PBRM1: variants seen among roughly 807,000 people sequenced by gnomAD.
The protein encoded by PBRM1 is polybromo 1, also known as protein polybromo-1.
A neutral mutation model predicts 194.5 loss-of-function variants in PBRM1; 27 were observed. The observed-to-expected ratio is 0.14, with a 90% CI of 0.10 to 0.19. PBRM1 has a LOEUF of 0.19. Among genes scored for constraint, PBRM1 ranks in the 10% least tolerant of loss-of-function variants. The pLI, the probability that PBRM1 is intolerant of heterozygous loss-of-function variation, is 1.00. For missense variants in PBRM1, 1,466 were observed against 2,077.2 expected (o/e 0.71, Z 5.72); for synonymous variants, 655 against 693.2 (o/e 0.94, Z 0.87).
chr3:52,550,555 T>C, exon 29 of PBRM1: 1 of 1,557,910 alleles, frequency 6.4e-7, no homozygotes, highest in Non-Finnish European at 8.7e-7. Context: ...TGTTGTTGGC[T>C]GCTGTATGAC....
intron 10 of PBRM1, among the ~76,000 whole-genome samples, chr3:52,639,081 T>C (rs1380303170): frequency 1.3e-5 from 2 of 149,034 alleles, no homozygotes; most frequent in Non-Finnish European, 3.0e-5. Flanking sequence ...GCCTCCCGGG[T>C]TCAAGCAATT....
chr3:52,671,751 T>C (rs1309558778), intron 2 of PBRM1, among the ~76,000 whole-genome samples: 1 of 152,238 alleles, frequency 6.6e-6, no homozygotes, highest in African/African-American at 2.4e-5. Context: ...TGGAGACAGT[T>C]ACCTCATTTT....
intron 22 of PBRM1, among the ~76,000 whole-genome samples, chr3:52,568,964 T>C (rs1401076557): frequency 6.6e-6 from 1 of 152,150 alleles, no homozygotes; most frequent in East Asian, 1.9e-4. Context: ...AGCTGCTCAC[T>C]GCAGCCTCAA....
intron 5 of PBRM1, among the ~76,000 whole-genome samples, chr3:52,653,736 C>T (rs1287425727): frequency 2.6e-5 from 4 of 151,836 alleles, no homozygotes; most frequent in Non-Finnish European, 5.9e-5. Flanking sequence ...ATGGTGAAAC[C>T]CCGTCTCTAC....
In PBRM1 at chr3:52,632,077, G is replaced by C. The variant is rs1466796896; in HGVS notation, c.1301+2525C>G. Among the ~76,000 whole-genome samples, 3 of 152,210 alleles carry C rather than the reference G, an allele frequency of 2.0e-5. 1 individual carries two copies. The highest frequency in any genetic ancestry group is 4.4e-5 in the Non-Finnish European group (3 of 68,024). Reference sequence around the variant, plus strand: ...AACAGAAATTTTAGCTATTGTGAATGCTGCTGCTGTGAACACAGGTTTACA... The same window carrying C: ...AACAGAAATTTTAGCTATTGTGAATCCTGCTGCTGTGAACACAGGTTTACA... On this transcript the variant is annotated intron_variant, in intron 11 of 29. Coordinates refer to ENST00000296302, the Ensembl canonical transcript of PBRM1.
chr3:52,587,812 A>C (rs1166912356), intron 18 of PBRM1, among the ~76,000 whole-genome samples: 1 of 152,112 alleles, frequency 6.6e-6, no homozygotes, highest in Non-Finnish European at 1.5e-5. Flanking sequence ...ACAGTTTAAT[A>C]TAATTATCCA....
exon 13 of PBRM1, chr3:52,627,323 G>A (rs2153579416): frequency 2.5e-6 from 4 of 1,613,612 alleles, no homozygotes; most frequent in Non-Finnish European, 3.4e-6. Context: ...AGATCATGCT[G>A]TCTCCGTCCT....
chr3:52,674,394 T>G (rs1472480917), intron 2 of PBRM1, among the ~76,000 whole-genome samples: 3 of 147,318 alleles, frequency 2.0e-5, no homozygotes, highest in Non-Finnish European at 3.0e-5. Context: ...GGCAGGAGAA[T>G]CGCTTGAACC....
chr3:52,564,364 G>A, intron 22 of PBRM1, 131 bp from the exon 25 acceptor site: 1 of 696,250 alleles, frequency 1.4e-6, no homozygotes, highest in South Asian at 1.7e-5. Context: ...AAAGGGGCTA[G>A]GCATGGTGGC....
At chr3:52,665,504 C>T (rs940720784) in intron 3 of PBRM1, among the ~76,000 whole-genome samples, 14 of 152,086 alleles carry the variant, frequency 9.2e-5, no homozygotes, top group Non-Finnish European at 1.9e-4. Context: ...CCCCAGCCCA[C>T]GAACAACTAC....
At chr3:52,627,143 T>C (rs564997939) in intron 13 of PBRM1, 130 bp downstream of exon 14, 1 of 521,836 alleles carries the variant, frequency 1.9e-6, no homozygotes, top group Non-Finnish European at 3.4e-6. Context: ...AAATGAATTT[T>C]AAAAGAGAAC....
At chr3:52,648,173 C>A (rs1395188395) in intron 7 of PBRM1, among the ~76,000 whole-genome samples, 171 bp downstream of exon 8, 17 of 152,282 alleles carry the variant, frequency 1.1e-4, no homozygotes, top group Admixed American at 1.1e-3. Context: ...TCACAAAGTG[C>A]CGGGATTACA....
intron 5 of PBRM1, among the ~76,000 whole-genome samples, chr3:52,653,524 G>A (rs939216665): frequency 1.3e-5 from 2 of 151,318 alleles, no homozygotes; most frequent in Admixed American, 6.6e-5. Flanking sequence ...GGGAGGTGGA[G>A]GTTGCAGTGA....
chr3:52,604,646 TG>T (rs1560279604), intron 16 of PBRM1, among the ~76,000 whole-genome samples: 2 of 151,708 alleles, frequency 1.3e-5, no homozygotes, highest in South Asian at 4.2e-4. Context: ...TAAGTTATGA[TG>T]GCACCGCTGC....
chr3:52,579,173 C>T, exon 21 of PBRM1: 2 of 1,614,044 alleles, frequency 1.2e-6, no homozygotes, highest in Non-Finnish European at 1.7e-6. Context: ...CACCATTGGA[C>T]ATTTCCACAG....
rs796137895 is a variant in PBRM1 at position 52,662,839 on chromosome 3, A to C, written c.385-563T>G. The stretch of plus-strand genomic sequence containing the variant: ...GACTCTGTCTTAAAAAAAAAAAAAA[A>C]AACACCAAAAAACCCAAAAAAACTA... On this transcript the variant is annotated intron_variant, in intron 3 of 29. Coordinates refer to ENST00000296302, the Ensembl canonical transcript of PBRM1. Among the ~76,000 whole-genome samples, 599 of 151,556 alleles carry C rather than the reference A, an allele frequency of 4.0e-3. 3 individuals carry two copies. The highest frequency in any genetic ancestry group is 0.023 in the South Asian group (109 of 4,820).
intron 6 of PBRM1, among the ~76,000 whole-genome samples, chr3:52,651,518 T>C (rs1052812914): frequency 5.9e-5 from 9 of 152,198 alleles, no homozygotes; most frequent in African/African-American, 2.2e-4. Context: ...TTGTCACAAA[T>C]GTATCTTTTA....
intron 29 of PBRM1, 46 bp downstream of exon 31, chr3:52,550,375 T>C (rs761636156): frequency 1.5e-5 from 15 of 1,032,632 alleles, no homozygotes; most frequent in Non-Finnish European, 2.0e-5. Flanking sequence ...AAGACAGCTT[T>C]GAGGAAGCAT....
intron 22 of PBRM1, among the ~76,000 whole-genome samples, chr3:52,566,904 A>G (rs1176131362): frequency 6.6e-6 from 1 of 152,138 alleles, no homozygotes; most frequent in African/African-American, 2.4e-5. Context: ...CCCCGTCTCT[A>G]CTAAAAATAC....
Sources: gnomAD v4.1 joint callset for allele counts (sites outside exome capture counted in the v4.1 genomes callset) on GRCh38, gnomAD v4.1.1 for gene constraint, MANE v1.5 for transcripts, NCBI Gene and HGNC (gene_info 2026-07-23, HGNC 2026-07-21) for gene names.